Variants in NPAS3 observed in about 807,000 individuals in gnomAD.
The protein encoded by NPAS3 is neuronal PAS domain protein 3.
NPAS3 carries 14 observed loss-of-function variants against 73.1 expected under a neutral mutation model. That is an observed-to-expected ratio of 0.19 (90% CI 0.13 to 0.30). The LOEUF is 0.30. NPAS3 is among the 10% of genes least tolerant of loss of function. The pLI, the probability that NPAS3 is intolerant of heterozygous loss-of-function variation, is 1.00. For missense variants in NPAS3, 1,096 were observed against 1,250.0 expected, an observed-to-expected ratio of 0.88 and a Z score of 1.86; for synonymous variants, 620 against 541.5, an observed-to-expected ratio of 1.14 and a Z score of -2.01.
chr14:33,097,697 G>C (rs1464585299), intron 2 of NPAS3, among the ~76,000 whole-genome samples: 1 of 152,136 alleles, frequency 6.6e-6, no homozygotes, highest in Non-Finnish European at 1.5e-5. Context: ...TTCATTTTTA[G>C]CCATTCTGGT....
At chr14:33,028,179 C>T (rs1370527126) in intron 1 of NPAS3, among the ~76,000 whole-genome samples, 1 of 152,160 alleles carries the variant, frequency 6.6e-6, no homozygotes, top group Non-Finnish European at 1.5e-5. Flanking sequence ...TGGTCTTTGC[C>T]TCCACGTGTG....
At chr14:33,775,484 C>CT (rs2062784094) in intron 8 of NPAS3, among the ~76,000 whole-genome samples, 1 of 152,164 alleles carries the variant, frequency 6.6e-6, no homozygotes, top group South Asian at 2.1e-4. Flanking sequence ...TCTCCAGAGA[C>CT]TAACCAAGAA....
At chr14:33,161,638 A>G (rs2044888891) in intron 2 of NPAS3, among the ~76,000 whole-genome samples, 1 of 152,216 alleles carries the variant, frequency 6.6e-6, no homozygotes, top group Admixed American at 6.5e-5. Flanking sequence ...CAAGCTCACG[A>G]TGGCTTCCTC....
At chr14:32,971,550 CCTA>C (rs1474882890) in intron 1 of NPAS3, among the ~76,000 whole-genome samples, 2 of 152,114 alleles carry the variant, frequency 1.3e-5, no homozygotes, top group Non-Finnish European at 2.9e-5. Flanking sequence ...ATTAAAAATG[CCTA>C]CTTTCATAAG....
intron 1 of NPAS3, among the ~76,000 whole-genome samples, chr14:32,995,844 T>C (rs1340272676): frequency 1.3e-5 from 2 of 152,170 alleles, no homozygotes; most frequent in Non-Finnish European, 2.9e-5. Context: ...AGTGTGAAAA[T>C]GGACTAATAC....
At position 33,437,390 on chromosome 14, in the gene NPAS3, T is replaced by G. The variant is rs182825572; in HGVS notation, c.468+70122T>G. Among the ~76,000 whole-genome samples, 9 of 152,300 alleles carry G rather than the reference T, an allele frequency of 5.9e-5. No individual in the cohort carries two copies. The East Asian group carries it at 1.5e-3, about 26-fold the overall frequency. On this transcript the variant is annotated intron_variant, in intron 4 of 11. Coordinates refer to ENST00000356141, the Ensembl canonical transcript of NPAS3. ...GCTGAGAAGTTACCTGATATATCTGTGGCCATAGAGAAAGTCAGGTTAAGA... is the reference window on the plus strand; with the variant it reads ...GCTGAGAAGTTACCTGATATATCTGGGGCCATAGAGAAAGTCAGGTTAAGA...
intron 5 of NPAS3, among the ~76,000 whole-genome samples, chr14:33,646,033 G>T (rs17101643): frequency 3.3e-5 from 5 of 152,054 alleles, no homozygotes; most frequent in African/African-American, 4.8e-5. Flanking sequence ...GCTTAGTGCC[G>T]TGGATGAAAG....
At chr14:33,361,759 GT>G (rs995116002) in intron 3 of NPAS3, among the ~76,000 whole-genome samples, 13 of 152,032 alleles carry the variant, frequency 8.6e-5, no homozygotes, top group African/African-American at 2.9e-4. Context: ...TATGAAGATA[GT>G]TTTTTTGTTT....
intron 2 of NPAS3, among the ~76,000 whole-genome samples, chr14:33,161,906 G>C (rs1227101217): frequency 9.2e-5 from 14 of 152,212 alleles, no homozygotes; most frequent in Non-Finnish European, 1.5e-5. Flanking sequence ...GTGAGGAAGT[G>C]ACATAGGACC....
intron 5 of NPAS3, among the ~76,000 whole-genome samples, chr14:33,633,075 A>G (rs1020046023): frequency 1.3e-5 from 2 of 152,232 alleles, no homozygotes; most frequent in Non-Finnish European, 2.9e-5. Context: ...TATAACAACT[A>G]TTTACATCGC....
chr14:33,377,453 C>G (rs781422862), intron 4 of NPAS3, among the ~76,000 whole-genome samples: 2 of 152,196 alleles, frequency 1.3e-5, no homozygotes, highest in South Asian at 4.1e-4. Flanking sequence ...GCTGGTGAAA[C>G]GGTTTAATGC....
rs150893863 is a variant in NPAS3, at chr14:33,024,391, C to T, written c.51-31514C>T. Reference sequence around the variant, plus strand: ...TTTTCCATGCTGGCCAAGCTGGTCTCGAACTACTGACCTCATGATCCGCCT... The same window carrying T: ...TTTTCCATGCTGGCCAAGCTGGTCTTGAACTACTGACCTCATGATCCGCCT... On this transcript the variant is annotated intron_variant, in intron 1 of 11. Coordinates refer to ENST00000356141, the Ensembl canonical transcript of NPAS3. Among the ~76,000 whole-genome samples, 597 of 152,086 alleles carry T rather than the reference C, an allele frequency of 3.9e-3. 4 individuals carry two copies. Among genetic ancestry groups the T allele is most frequent in the Admixed American group, 6.0e-3 (92 of 15,276 alleles).
At chr14:33,177,549 T>A (rs1350164826) in intron 2 of NPAS3, among the ~76,000 whole-genome samples, 1 of 152,214 alleles carries the variant, frequency 6.6e-6, no homozygotes, top group Non-Finnish European at 1.5e-5. Flanking sequence ...TTTGTTTGCA[T>A]CTGTTGCTCA....
At chr14:32,951,584 T>G (rs1415382801) in intron 1 of NPAS3, among the ~76,000 whole-genome samples, 2 of 152,074 alleles carry the variant, frequency 1.3e-5, no homozygotes, top group African/African-American at 4.8e-5. Flanking sequence ...ACTAAAATGT[T>G]TGGAGATAAG....
intron 5 of NPAS3, among the ~76,000 whole-genome samples, chr14:33,631,826 T>A (rs2058385128): frequency 6.6e-6 from 1 of 152,234 alleles, no homozygotes; most frequent in Admixed American, 6.5e-5. Context: ...TTGTATTTGA[T>A]GGTCGTGGCA....
intron 4 of NPAS3, among the ~76,000 whole-genome samples, chr14:33,503,351 A>C (rs1356960464): frequency 6.6e-6 from 1 of 151,988 alleles, no homozygotes; most frequent in Non-Finnish European, 1.5e-5. Context: ...AATACTTATA[A>C]TGACTATAAT....
At chr14:32,977,185 T>C (rs2037714849) in intron 1 of NPAS3, among the ~76,000 whole-genome samples, 1 of 152,064 alleles carries the variant, frequency 6.6e-6, no homozygotes, top group Admixed American at 6.6e-5. Flanking sequence ...AGGTAAACTT[T>C]CATTTTCCGT....
intron 4 of NPAS3, among the ~76,000 whole-genome samples, chr14:33,419,768 T>G (rs1455250379): frequency 6.6e-6 from 1 of 151,872 alleles, no homozygotes; most frequent in Non-Finnish European, 1.5e-5. Context: ...TGTCTTATAT[T>G]GATGATGGAA....
intron 3 of NPAS3, among the ~76,000 whole-genome samples, chr14:33,304,342 T>A (rs1288897020): frequency 5.3e-5 from 8 of 152,162 alleles, no homozygotes; most frequent in Non-Finnish European, 1.2e-4. Flanking sequence ...AGAAGTTAAA[T>A]TATCTAGTTT....
Sources: allele counts gnomAD v4.1 joint callset (sites outside exome capture counted in the v4.1 genomes callset), GRCh38; gene constraint gnomAD v4.1.1; transcripts MANE v1.5; gene names NCBI Gene and HGNC (gene_info 2026-07-23, HGNC 2026-07-21).